The following DAPK3 variants were observed in gnomAD, a reference collection of about 807,000 sequenced individuals.
DAPK3 encodes the protein death-associated protein kinase 3.
A neutral mutation model predicts 30.6 loss-of-function variants in DAPK3; 24 were observed. The observed-to-expected ratio is 0.78, with a 90% CI of 0.57 to 1.10. The LOEUF (loss-of-function observed/expected upper bound fraction) is 1.10, where lower values mean the gene tolerates loss of function less well. DAPK3 is among the 50% of genes least tolerant of loss of function. The pLI is 0.00. For synonymous variants in DAPK3, 341 were observed against 284.0 expected, an observed-to-expected ratio of 1.20 and a Z score of -2.02; for missense variants, 629 against 657.3, an observed-to-expected ratio of 0.96 and a Z score of 0.47.
At chr19:3,963,735 G>A (rs968554308) in intron 5 of DAPK3, 66 bp from the exon 6 acceptor site, 33 of 1,375,360 alleles carry the variant, frequency 2.4e-5, no homozygotes, top group Admixed American at 4.4e-5. Flanking sequence ...GGACCGTGGC[G>A]TCCAGCGCCC....
At chr19:3,965,836 T>C (rs541223017) in intron 2 of DAPK3, among the ~76,000 whole-genome samples, 1 of 152,000 alleles carries the variant, frequency 6.6e-6, no homozygotes, top group East Asian at 1.9e-4. Context: ...AATTAATTTT[T>C]TTTTCTTTTT....
At chr19:3,966,244 C>T (rs1031248390) in intron 2 of DAPK3, among the ~76,000 whole-genome samples, 1 of 152,098 alleles carries the variant, frequency 6.6e-6, no homozygotes, top group African/African-American at 2.4e-5. Context: ...TGCTGGGTAC[C>T]GGGTTCCTGC....
chr19:3,959,265 C>A lies in DAPK3; in HGVS notation c.1201G>T (p.Gly401Cys). The change falls in exon 9 of 9, where the codon GGC becomes TGC. Residue 401 changes from glycine (G) to cysteine (C), a missense_variant. Gly to Cys is a radical substitution (Grantham distance 159). This residue lies in a region of DAPK3 where 323 missense variants were observed against 278.8 expected (regional missense o/e 1.16). Coordinates refer to ENST00000545797, the MANE Select transcript of DAPK3 (RefSeq NM_001348.3). ...LKRQAQEEAK[G>C]ALLGTSGLKR... ...AGGCCGCTGGTCCCCAGCAGCGCGC[C>A]CTTGGCCTCCTCCTGCGCCTGCCGC... 1.3e-6 allele frequency: 2 copies of A among 1,599,144 alleles called. No individual in the cohort carries two copies. The highest frequency in any genetic ancestry group is 8.5e-7 in the Non-Finnish European group (1 of 1,178,630).
rs754956298 is a variant in DAPK3, at chr19:3,969,658, C to T, written c.62+16G>A. On this transcript the variant is annotated intron_variant, in intron 2 of 8. Coordinates refer to ENST00000545797, the MANE Select transcript of DAPK3 (RefSeq NM_001348.3). ...CTCCTATCCCTGGAGCCCAGCCGTG[C>T]GGGCAGACAGCTCACCTGCCCAGCT... 17 of 1,561,930 alleles carry T rather than the reference C, an allele frequency of 1.1e-5. No individual in the cohort carries two copies. Among genetic ancestry groups the T allele is most frequent in the East Asian group, 2.2e-5 (1 of 44,654 alleles).
At position 3,964,330 on chromosome 19, in the gene DAPK3, C is replaced by T. The variant is rs375789466; in HGVS notation, c.467G>A (p.Arg156Gln). The T allele has an allele frequency of 2.5e-6, 4 of 1,613,158 alleles. No individual in the cohort carries two copies. In the African/African-American group the frequency reaches 4.0e-5, roughly 16 times the overall value. The stretch of plus-strand genomic sequence containing the variant: ...GATGCCGAAGTCGATGAGCTTGATT[C>T]GTGGGTTGGGCACGTTCTTGTCCAG... The part of the protein sequence containing the change: ...MLLDKNVPNP[R>Q]IKLIDFGIAH... Residue 156 changes from arginine to glutamine, a missense_variant, in exon 4 of 9, where the codon CGA becomes CAA. By Grantham distance (43) the Arg-to-Gln change is conservative. Coordinates refer to ENST00000545797, the MANE Select transcript of DAPK3 (RefSeq NM_001348.3).
chr19:3,962,148 C>A (rs2039523458), intron 6 of DAPK3, among the ~76,000 whole-genome samples: 1 of 152,208 alleles, frequency 6.6e-6, no homozygotes. Context: ...TGAGCCATCG[C>A]ACCCGGCCCA....
At chr19:3,968,794 C>T (rs886255553) in intron 2 of DAPK3, among the ~76,000 whole-genome samples, 1 of 152,190 alleles carries the variant, frequency 6.6e-6, no homozygotes, top group Non-Finnish European at 1.5e-5. Flanking sequence ...CACTTATTTA[C>T]ATTCCCTTCT....
intron 2 of DAPK3, among the ~76,000 whole-genome samples, chr19:3,967,918 G>A (rs2039594133): frequency 6.6e-6 from 1 of 152,194 alleles, no homozygotes; most frequent in Non-Finnish European, 1.5e-5. Context: ...GAGAAAAACT[G>A]CGACATGAAA....
Position 3,969,654 on chromosome 19 carries a change from C to T in DAPK3, c.62+20G>A. Reference sequence around the variant, plus strand: ...CTCTCTCCTATCCCTGGAGCCCAGCCGTGCGGGCAGACAGCTCACCTGCCC... The same window carrying T: ...CTCTCTCCTATCCCTGGAGCCCAGCTGTGCGGGCAGACAGCTCACCTGCCC... On this transcript the variant is annotated intron_variant, in intron 2 of 8. Transcript: ENST00000545797. The T allele has an allele frequency of 1.3e-6, 2 of 1,554,388 alleles. No individual in the cohort carries two copies. The highest frequency in any genetic ancestry group is 4.5e-5 in the East Asian group (2 of 44,620).
rs751092991 is a variant in DAPK3 at position 3,958,722 on chromosome 19, C to A, written c.*379G>T. On this transcript the variant is annotated 3_prime_UTR_variant, in exon 9 of 9. Coordinates refer to ENST00000545797, the MANE Select transcript of DAPK3 (RefSeq NM_001348.3). Reference sequence around the variant, plus strand: ...AATGGCAGCAACAGGCAGCACCCCGCCGAATTGTCCGTGCAACTACCCGCA... The same window carrying A: ...AATGGCAGCAACAGGCAGCACCCCGACGAATTGTCCGTGCAACTACCCGCA... 17 of 409,520 alleles carry A rather than the reference C, an allele frequency of 4.2e-5. No individual in the cohort carries two copies. The highest frequency in any genetic ancestry group is 7.0e-5 in the Non-Finnish European group (15 of 215,342). 25.4% of individuals were successfully genotyped at this position (409,520 alleles called of 1,614,324 possible).
In DAPK3 at chr19:3,964,981, CA is replaced by C. The variant is rs2039562205; in HGVS notation, c.72del (p.Phe24LeufsTer33). 1 of 1,598,218 alleles carries C rather than the reference CA, an allele frequency of 6.3e-7. No individual in the cohort carries two copies. The highest frequency in any genetic ancestry group is 1.7e-5 in the Admixed American group (1 of 59,888). Reference sequence around the variant, plus strand: ...TTCTGCCGGCACTTCCGCACGATCGCAAACTGGCCGCTGGAGGAGGGGGAGG... The same window carrying C: ...TTCTGCCGGCACTTCCGCACGATCGCAACTGGCCGCTGGAGGAGGGGGAGG... ...EMGEELGSGQ[F>X]AIVRKCRQKG... On this transcript the variant is annotated frameshift_variant, in exon 3 of 9. Coordinates refer to ENST00000545797, the MANE Select transcript of DAPK3 (RefSeq NM_001348.3). LOFTEE classifies it high-confidence loss of function.
intron 4 of DAPK3, 85 bp from the exon 5 acceptor site, chr19:3,964,004 C>A: frequency 1.0e-6 from 1 of 966,528 alleles, no homozygotes; most frequent in South Asian, 1.4e-5. Flanking sequence ...GGTCAAGGTT[C>A]TCACATGTCG....
rs190825932 is a variant in DAPK3 at position 3,958,528 on chromosome 19, G to A, written c.*573C>T. On this transcript the variant is annotated 3_prime_UTR_variant, in exon 9 of 9. Coordinates refer to ENST00000545797, the MANE Select transcript of DAPK3 (RefSeq NM_001348.3). ...CCTAGGCGTCCACAGGCGCGACGAT[G>A]GGGCTCGCGGAGGAGTCCGCAGCAG... is the stretch of plus-strand genomic sequence containing the variant. The A allele has an allele frequency of 3.4e-4, 155 of 456,778 alleles. No individual in the cohort carries two copies. Among genetic ancestry groups the A allele is most frequent in the African/African-American group, 2.6e-3 (131 of 50,214 alleles). 28.3% of individuals were successfully genotyped at this position (456,778 alleles called of 1,614,324 possible).
At chr19:3,961,220 C>A in intron 6 of DAPK3, 59 bp from the exon 7 acceptor site, 1 of 1,449,662 alleles carries the variant, frequency 6.9e-7, no homozygotes, top group East Asian at 2.3e-5. Context: ...GCCGCGCCGC[C>A]TCTCCGGCTG....
chr19:3,962,971 G>A (rs2039534532), intron 6 of DAPK3, among the ~76,000 whole-genome samples: 1 of 151,716 alleles, frequency 6.6e-6, no homozygotes, highest in Admixed American at 6.6e-5. Flanking sequence ...GCATGGTGGT[G>A]GGCGCCTGTA....
At position 3,969,748 on chromosome 19, in the gene DAPK3, G is replaced by T; in HGVS notation, c.-13C>A. On this transcript the variant is annotated 5_prime_UTR_variant, in exon 2 of 9. Transcript: ENST00000545797. ...TGAACGTGGACATGGCGGCCGGTCC[G>T]CCTTCCAGCAGCTTCCACTCCAGGG... The T allele has an allele frequency of 6.2e-7, 1 of 1,605,058 alleles. No homozygotes were observed. Among genetic ancestry groups the T allele is most frequent in the Non-Finnish European group, 8.5e-7 (1 of 1,174,404 alleles).
Position 3,964,365 on chromosome 19 carries a change from G to A in DAPK3, c.432C>T (p.Asn144=). ...GCACGTTCTTGTCCAGCAGCATGAT[G>A]TTTTCCGGCTGGGGTGGGAGGAGGC... ...RIAHFDLKPE[N]IMLLDKNVPN... The change falls in exon 4 of 9, where the codon AAC becomes AAT. Residue 144 remains asparagine, a synonymous_variant. Transcript: ENST00000545797. The A allele has an allele frequency of 6.2e-7, 1 of 1,612,430 alleles. No individual in the cohort carries two copies. The highest frequency in any genetic ancestry group is 8.5e-7 in the Non-Finnish European group (1 of 1,178,686).
Position 3,964,981 on chromosome 19 carries a change from C to A in DAPK3, c.73G>T (p.Ala25Ser), listed in dbSNP as rs1490871180. 1 of 1,598,336 alleles carries A rather than the reference C, an allele frequency of 6.3e-7. No homozygotes were observed. The highest frequency in any genetic ancestry group is 1.7e-5 in the Admixed American group (1 of 59,908). The change falls in exon 3 of 9, where the codon GCG becomes TCG. Residue 25 changes from alanine to serine, a missense_variant. By Grantham distance (99) the Ala-to-Ser change is moderately conservative. Around this residue, in one of 2 missense-constraint regions of DAPK3, gnomAD observed 306 missense variants for 378.5 expected, o/e 0.81. Transcript: ENST00000545797. ...MGEELGSGQF[A>S]IVRKCRQKGT... Reference sequence around the variant, plus strand: ...TTCTGCCGGCACTTCCGCACGATCGCAAACTGGCCGCTGGAGGAGGGGGAG... The same window carrying A: ...TTCTGCCGGCACTTCCGCACGATCGAAAACTGGCCGCTGGAGGAGGGGGAG...
intron 1 of DAPK3, 177 bp from the exon 2 acceptor site, chr19:3,970,006 G>C: frequency 2.0e-6 from 1 of 506,402 alleles, no homozygotes; most frequent in East Asian, 3.3e-5. Context: ...TCACCTCTTA[G>C]AGCCCCATAA....
Sources: allele counts gnomAD v4.1 joint callset (sites outside exome capture counted in the v4.1 genomes callset), GRCh38; gene constraint gnomAD v4.1.1; regional missense constraint gnomAD v4.1.1; transcripts MANE v1.5; gene names NCBI Gene and HGNC (gene_info 2026-07-23, HGNC 2026-07-21).